The following CLMN variants were observed in gnomAD, a reference collection of about 807,000 sequenced individuals.
CLMN encodes the protein calmin (calponin-like, transmembrane).
CLMN carries 57 observed loss-of-function variants against 92.7 expected under a neutral mutation model. The observed-to-expected ratio is 0.61, with a 90% CI of 0.50 to 0.77. The LOEUF (loss-of-function observed/expected upper bound fraction) is 0.77. Among genes scored for constraint, CLMN ranks in the 30% least tolerant of loss-of-function variants. The probability of loss-of-function intolerance (pLI) is 0.00; values close to 1 mark genes in which losing one functional copy is unlikely to be tolerated. For synonymous variants in CLMN, 466 were observed against 470.6 expected (o/e 0.99, Z 0.13); for missense variants, 1,158 against 1,237.5 (o/e 0.94, Z 0.96).
chr14:95,252,137 G>A (rs1216466202), intron 1 of CLMN, among the ~76,000 whole-genome samples: 1 of 152,174 alleles, frequency 6.6e-6, no homozygotes, highest in Non-Finnish European at 1.5e-5. Context: ...GCAACAGGGG[G>A]TGCTGAGTGT....
intron 4 of CLMN, among the ~76,000 whole-genome samples, chr14:95,220,701 C>T (rs985029872): frequency 3.3e-5 from 5 of 152,224 alleles, no homozygotes; most frequent in South Asian, 2.1e-4. Context: ...CTTTCCCATC[C>T]TCCTTTGCCC....
At chr14:95,201,123 C>T (rs1035374103) in intron 9 of CLMN, among the ~76,000 whole-genome samples, 4 of 151,622 alleles carry the variant, frequency 2.6e-5, no homozygotes, top group Non-Finnish European at 4.4e-5. Context: ...CAAACCTGCA[C>T]GTTCTGCACA....
At chr14:95,285,442 G>C (rs1900304025) in intron 1 of CLMN, among the ~76,000 whole-genome samples, 1 of 152,186 alleles carries the variant, frequency 6.6e-6, no homozygotes, top group Non-Finnish European at 1.5e-5. Context: ...ATTTAAATGT[G>C]TGTGGGAGAG....
intron 2 of CLMN, among the ~76,000 whole-genome samples, chr14:95,225,938 G>A (rs949530584): frequency 2.0e-5 from 3 of 152,188 alleles, no homozygotes; most frequent in Non-Finnish European, 4.4e-5. Context: ...TGAAGAACTG[G>A]CTGGAACTTG....
intron 1 of CLMN, among the ~76,000 whole-genome samples, chr14:95,283,748 C>A (rs956168611): frequency 2.6e-5 from 4 of 152,180 alleles, no homozygotes; most frequent in African/African-American, 9.7e-5. Flanking sequence ...AATTTCTAAG[C>A]AGCAAAGCAT....
At chr14:95,239,948 T>G (rs1388171829) in intron 1 of CLMN, among the ~76,000 whole-genome samples, 1 of 152,240 alleles carries the variant, frequency 6.6e-6, no homozygotes, top group Non-Finnish European at 1.5e-5. Context: ...TTATATCTAT[T>G]TTTTACTGTG....
At chr14:95,215,510 G>C (rs1268008872) in intron 5 of CLMN, 131 bp downstream of exon 5, 2 of 716,434 alleles carry the variant, frequency 2.8e-6, no homozygotes, top group Non-Finnish European at 4.7e-6. Context: ...TGCTTTTTCA[G>C]TGAGTAGAAA....
chr14:95,319,133 C>A (rs1419934362), intron 1 of CLMN, among the ~76,000 whole-genome samples: 1 of 152,138 alleles, frequency 6.6e-6, no homozygotes, highest in African/African-American at 2.4e-5. Context: ...AGTCCTGATC[C>A]TGCAGGGGAG....
intron 1 of CLMN, among the ~76,000 whole-genome samples, chr14:95,271,291 C>G (rs1389226710): frequency 6.6e-6 from 1 of 152,168 alleles, no homozygotes. Context: ...CTTTAAAGCA[C>G]AAGAGTTTTT....
At chr14:95,223,622 G>T (rs937926195) in intron 3 of CLMN, 138 bp downstream of exon 3, 23 of 602,400 alleles carry the variant, frequency 3.8e-5, no homozygotes, top group South Asian at 1.4e-4. Flanking sequence ...TATATGGCTT[G>T]TAGGCACTAA....
At chr14:95,277,693 T>A (rs1292412566) in intron 1 of CLMN, among the ~76,000 whole-genome samples, 2 of 152,226 alleles carry the variant, frequency 1.3e-5, no homozygotes, top group African/African-American at 4.8e-5. Context: ...AGTGGCACGA[T>A]CTTGGCTCAC....
At position 95,194,291 on chromosome 14, in the gene CLMN, T is replaced by A; in HGVS notation, c.2769+245A>T. 2.1e-6 allele frequency: 3 copies of A among 1,410,170 alleles called. No individual in the cohort carries two copies. The highest frequency in any genetic ancestry group is 2.8e-6 in the Non-Finnish European group (3 of 1,086,824). 87.4% of individuals were successfully genotyped at this position (1,410,170 alleles called of 1,614,324 possible). On this transcript the variant is annotated intron_variant, in intron 11 of 12. Transcript: ENST00000298912. This position sits in a 1 kb window ranked among gnomAD's most constrained non-coding sequence, Gnocchi z 4.0. ...CGGGGTCCAGGTGAGGCGTTTTGGG[T>A]GCGTTTTTATAGCAAGGAGGCCTTT...
intron 1 of CLMN, among the ~76,000 whole-genome samples, chr14:95,273,375 C>A (rs926317842): frequency 6.6e-6 from 1 of 152,214 alleles, no homozygotes; most frequent in Non-Finnish European, 1.5e-5. Context: ...AAGGGCTCCT[C>A]CCTATTCACT....
At chr14:95,286,645 C>T (rs190309710) in intron 1 of CLMN, among the ~76,000 whole-genome samples, 5 of 152,214 alleles carry the variant, frequency 3.3e-5, no homozygotes, top group African/African-American at 7.2e-5. Context: ...GGCTCAGTTA[C>T]AAAATGTTTT....
At chr14:95,241,310 GA>G (rs980949492) in intron 1 of CLMN, among the ~76,000 whole-genome samples, 77 of 152,188 alleles carry the variant, frequency 5.1e-4, no homozygotes, top group African/African-American at 1.6e-3. Context: ...CTCAAACTGG[GA>G]AAGTCCTAGG....
chr14:95,238,974 A>G (rs1226089678), intron 1 of CLMN, among the ~76,000 whole-genome samples: 1 of 152,214 alleles, frequency 6.6e-6, no homozygotes, highest in African/African-American at 2.4e-5. Flanking sequence ...GCCTATAACT[A>G]AAATAGAAAA....
At chr14:95,217,453 A>G (rs1464028158) in intron 4 of CLMN, among the ~76,000 whole-genome samples, 2 of 152,224 alleles carry the variant, frequency 1.3e-5, no homozygotes, top group East Asian at 1.9e-4. Context: ...TGCCAAGAAT[A>G]TAAGTCAGAC....
At chr14:95,210,963 G>C in intron 6 of CLMN, 84 bp from the exon 7 acceptor site, 1 of 1,402,046 alleles carries the variant, frequency 7.1e-7, no homozygotes, top group African/African-American at 1.5e-5. Flanking sequence ...GCAGCCGCGT[G>C]AGTTTTTGAG....
rs546555295 is a variant in CLMN at position 95,217,741 on chromosome 14, C to G, written c.325-2008G>C. 3.9e-5 allele frequency among the ~76,000 whole-genome samples: 6 copies of G among 152,344 alleles called. No individual in the cohort carries two copies. In the South Asian group the frequency reaches 8.3e-4, roughly 21 times the overall value. ...GGCCTTCCCTTTCACCTGGGGGAAG[C>G]CCAAATGGCAAGTGACAGCTGTGGC... is the stretch of plus-strand genomic sequence containing the variant. On this transcript the variant is annotated intron_variant, in intron 4 of 12. Transcript: ENST00000298912.
Sources: gnomAD v4.1 joint callset for allele counts (sites outside exome capture counted in the v4.1 genomes callset) on GRCh38, gnomAD v4.1.1 for gene constraint, Gnocchi (gnomAD v3.1) non-coding constraint, MANE v1.5 for transcripts, NCBI Gene and HGNC (gene_info 2026-07-23, HGNC 2026-07-21) for gene names.